WWOX: variants seen among roughly 807,000 people sequenced by gnomAD.
WWOX encodes WW domain-containing oxidoreductase.
Under a neutral mutation model 46.2 loss-of-function variants are expected in WWOX, and 69 were observed. The ratio of observed to expected loss-of-function variants is 1.49; its 90% CI spans 1.23 to 1.82. The LOEUF (loss-of-function observed/expected upper bound fraction) is 1.82, where lower values mean the gene tolerates loss of function less well. Ranked by LOEUF, WWOX falls within the 40% of genes most tolerant of loss-of-function variation. WWOX has a pLI of 0.00. For synonymous variants in WWOX, 359 were observed against 202.6 expected (o/e 1.77, Z -6.56); for missense variants, 919 against 542.6 (o/e 1.69, Z -6.89).
At chr16:79,091,022 A>T (rs1488518789) in intron 8 of WWOX, among the ~76,000 whole-genome samples, 1 of 152,066 alleles carries the variant, frequency 6.6e-6, no homozygotes, top group Non-Finnish European at 1.5e-5. Flanking sequence ...TCCTGACCTC[A>T]GGTGATCCAC....
At chr16:78,128,624 G>T (rs1274582271) in intron 4 of WWOX, among the ~76,000 whole-genome samples, 1 of 152,180 alleles carries the variant, frequency 6.6e-6, no homozygotes, top group Non-Finnish European at 1.5e-5. Flanking sequence ...CAACAGAATT[G>T]CTGGCCACAT....
intron 8 of WWOX, among the ~76,000 whole-genome samples, chr16:78,861,645 C>T (rs1356597251): frequency 2.6e-5 from 4 of 152,176 alleles, no homozygotes; most frequent in African/African-American, 9.7e-5. Flanking sequence ...TATTTAATAT[C>T]ATGAAGTGAA....
At chr16:78,198,833 G>A (rs1435941846) in intron 5 of WWOX, among the ~76,000 whole-genome samples, 1 of 151,898 alleles carries the variant, frequency 6.6e-6, no homozygotes, top group African/African-American at 2.4e-5. Context: ...TATATGTAAT[G>A]GTATATATAC....
intron 5 of WWOX, among the ~76,000 whole-genome samples, chr16:78,260,885 C>T (rs1210542462): frequency 3.5e-5 from 5 of 141,290 alleles, no homozygotes; most frequent in African/African-American, 1.1e-4. Flanking sequence ...TGCAGTGAGC[C>T]GAGATCACAC....
chr16:78,983,870 C>CTTTTTTTTT (rs760130115), intron 8 of WWOX, among the ~76,000 whole-genome samples: 937 of 79,754 alleles, frequency 0.012, 66 homozygotes, highest in Middle Eastern at 0.019. Flanking sequence ...GAGAGCTATT[C>CTTTTTTTTT]TTTTTTTTTT....
At chr16:79,082,349 T>G (rs193013998) in intron 8 of WWOX, among the ~76,000 whole-genome samples, 1 of 152,284 alleles carries the variant, frequency 6.6e-6, no homozygotes, top group Admixed American at 6.5e-5. Context: ...AGCATCCATC[T>G]CCTTTGTAAG....
At chr16:78,668,302 A>G (rs1346000342) in intron 8 of WWOX, among the ~76,000 whole-genome samples, 1 of 152,092 alleles carries the variant, frequency 6.6e-6, no homozygotes, top group African/African-American at 2.4e-5. Flanking sequence ...CAAAAAACAT[A>G]CAACTTAACT....
intron 7 of WWOX, among the ~76,000 whole-genome samples, chr16:78,428,753 A>C (rs575573948): frequency 2.0e-4 from 30 of 152,344 alleles, no homozygotes; most frequent in African/African-American, 6.7e-4. Context: ...TATACCTGTA[A>C]TACCAGCTAC....
In WWOX at chr16:78,597,209, G is replaced by C. The variant is rs149547940; in HGVS notation, c.1056+164457G>C. ...TAGTAGGTAGATCCAAAGTCCCCAG[G>C]AGCTGTTGGGAAGTCCATAGGTGCT... On this transcript the variant is annotated intron_variant, in intron 8 of 8. Coordinates refer to ENST00000566780, the MANE Select transcript of WWOX (RefSeq NM_016373.4). Among the ~76,000 whole-genome samples, 17 of 152,312 alleles carry C rather than the reference G, an allele frequency of 1.1e-4. No individual in the cohort carries two copies. In the East Asian group the frequency reaches 3.3e-3, roughly 29 times the overall value.
intron 8 of WWOX, among the ~76,000 whole-genome samples, chr16:78,833,925 C>T (rs1024004407): frequency 2.6e-5 from 4 of 152,218 alleles, no homozygotes; most frequent in Admixed American, 2.6e-4. Flanking sequence ...TTCTTTGAGG[C>T]CAAGGACTGT....
chr16:78,739,400 T>G (rs1320111326), intron 8 of WWOX, among the ~76,000 whole-genome samples: 1 of 152,158 alleles, frequency 6.6e-6, no homozygotes, highest in Non-Finnish European at 1.5e-5. Context: ...AGTGATTGGA[T>G]GTCATGTGCT....
At chr16:78,955,787 A>G (rs1313540371) in intron 8 of WWOX, among the ~76,000 whole-genome samples, 4 of 151,570 alleles carry the variant, frequency 2.6e-5, no homozygotes, top group Non-Finnish European at 5.9e-5. Flanking sequence ...AGCTGGGACT[A>G]CGGTTGTACA....
intron 8 of WWOX, among the ~76,000 whole-genome samples, chr16:78,454,874 A>G (rs376834046): frequency 2.6e-5 from 4 of 152,118 alleles, no homozygotes; most frequent in African/African-American, 7.2e-5. Flanking sequence ...ACCACCCACT[A>G]TTGGTTTCAC....
chr16:79,177,376 T>TCC (rs1555540752), intron 8 of WWOX, among the ~76,000 whole-genome samples: 1 of 151,334 alleles, frequency 6.6e-6, no homozygotes, highest in Non-Finnish European at 1.5e-5. Flanking sequence ...TTTTTTCCAC[T>TCC]CTCCCTCCGT....
intron 5 of WWOX, among the ~76,000 whole-genome samples, chr16:78,206,162 A>G (rs757824211): frequency 2.0e-5 from 3 of 152,018 alleles, no homozygotes; most frequent in Non-Finnish European, 2.9e-5. Context: ...ATTGGGAACC[A>G]TTTCAGGGTT....
chr16:79,023,001 G>A (rs2550711), intron 8 of WWOX, among the ~76,000 whole-genome samples: 116,984 of 152,032 alleles, frequency 0.77, 45,435 homozygotes, highest in African/African-American at 0.87. Context: ...AGAGTTTAGC[G>A]TGGTACTGTG....
intron 8 of WWOX, among the ~76,000 whole-genome samples, chr16:78,538,794 G>T (rs1006658214): frequency 6.6e-6 from 1 of 152,126 alleles, no homozygotes; most frequent in African/African-American, 2.4e-5. Flanking sequence ...TTCCTAAAAC[G>T]CATGGGTGGA....
At chr16:78,623,147 A>T (rs1419499690) in intron 8 of WWOX, among the ~76,000 whole-genome samples, 1 of 151,926 alleles carries the variant, frequency 6.6e-6, no homozygotes, top group African/African-American at 2.4e-5. Context: ...AAGACCCTGG[A>T]TGGAGAACCC....
chr16:78,373,634 ATT>A (rs201378338), intron 5 of WWOX, among the ~76,000 whole-genome samples: 2 of 146,630 alleles, frequency 1.4e-5, no homozygotes, highest in East Asian at 4.1e-4. Context: ...GCATAGAACT[ATT>A]TTTTTTTTTT....
Sources: allele counts gnomAD v4.1 joint callset (sites outside exome capture counted in the v4.1 genomes callset), GRCh38; gene constraint gnomAD v4.1.1; transcripts MANE v1.5; gene names NCBI Gene and HGNC (gene_info 2026-07-23, HGNC 2026-07-21).